The following PTPRO variants were observed in gnomAD, a reference collection of about 807,000 sequenced individuals.
PTPRO encodes receptor-type tyrosine-protein phosphatase O.
In PTPRO, 62 loss-of-function variants were observed where a neutral mutation model predicts 145.2. The observed-to-expected ratio is 0.43, with a 90% CI of 0.35 to 0.53. PTPRO has a LOEUF of 0.53. PTPRO is among the 20% of genes least tolerant of loss of function. PTPRO has a pLI of 0.01. For synonymous variants in PTPRO, 565 were observed against 514.7 expected (o/e 1.10, Z -1.32); for missense variants, 1,345 against 1,482.7 (o/e 0.91, Z 1.53).
chr12:15,470,948 A>G (rs937738868), intron 1 of PTPRO, among the ~76,000 whole-genome samples: 1 of 152,076 alleles, frequency 6.6e-6, no homozygotes, highest in African/African-American at 2.4e-5. Context: ...CTTTTTAATG[A>G]TGTTCTTAAA....
At chr12:15,369,519 GA>G (rs1304120978) in intron 1 of PTPRO, among the ~76,000 whole-genome samples, 4 of 151,986 alleles carry the variant, frequency 2.6e-5, no homozygotes, top group African/African-American at 9.7e-5. Flanking sequence ...CAAAATAATT[GA>G]TGGGCCATTA....
intron 11 of PTPRO, 143 bp from the exon 12 acceptor site, chr12:15,525,999 A>G (rs1437155836): frequency 1.8e-6 from 2 of 1,099,730 alleles, no homozygotes; most frequent in Non-Finnish European, 2.7e-6. Context: ...TTCAGAAGAT[A>G]TAACGTATCT....
At position 15,569,443 on chromosome 12, in the gene PTPRO, C is replaced by A. The variant is rs1260281703; in HGVS notation, c.2774C>A (p.Ala925Asp). 1 of 1,613,504 alleles carries A rather than the reference C, an allele frequency of 6.2e-7. No homozygotes were observed. The highest frequency in any genetic ancestry group is 8.5e-7 in the Non-Finnish European group (1 of 1,179,660). ...TNPVQLDDFD[A>D]YIKDMAKDSD... is the part of the protein sequence containing the mutation. ...CCGGTTCAACTGGATGACTTTGATG[C>A]CTATATTAAGGATATGGCCAAAGAC... The change falls in exon 19 of 27, where the codon GCC (alanine) becomes GAC (aspartate). Residue 925 changes from alanine to aspartate, a missense_variant. Transcript: ENST00000281171.
chr12:15,499,361 G>A, intron 3 of PTPRO, 81 bp from the exon 4 acceptor site: 1 of 1,340,060 alleles, frequency 7.5e-7, no homozygotes. Flanking sequence ...TGAATGTTTA[G>A]CCATAATTGT....
chr12:15,527,492 A>G (rs758506240), intron 12 of PTPRO, among the ~76,000 whole-genome samples: 2 of 152,232 alleles, frequency 1.3e-5, no homozygotes, highest in Non-Finnish European at 2.9e-5. Context: ...TACCATTCCC[A>G]GTCCCAGCAA....
intron 17 of PTPRO, 62 bp from the exon 18 acceptor site, chr12:15,565,531 A>T (rs1943875319): frequency 8.9e-7 from 1 of 1,122,320 alleles, no homozygotes; most frequent in African/African-American, 1.5e-5. Context: ...GTTCAAGTTT[A>T]ATTATTATGT....
chr12:15,382,921 A>C (rs78284272), intron 1 of PTPRO, among the ~76,000 whole-genome samples: 6 of 152,352 alleles, frequency 3.9e-5, no homozygotes, highest in Non-Finnish European at 7.3e-5. Context: ...AAATCAGGCT[A>C]TTTAATGCAT....
At position 15,484,076 on chromosome 12, in the gene PTPRO, A is replaced by T. The variant is rs770985401; in HGVS notation, c.178A>T (p.Ile60Leu). The T allele has an allele frequency of 5.0e-6, 8 of 1,613,768 alleles. No individual in the cohort carries two copies. Among genetic ancestry groups the T allele is most frequent in the South Asian group, 1.1e-5 (1 of 91,078 alleles). ...TCCAGCATCTGTGTATGTTGTGAAG[A>T]TAACTGGTGAATCCAAAAATTATTT... Reference protein sequence around the residue: ...ISPASVYVVKITGESKNYFFE... With the variant: ...ISPASVYVVKLTGESKNYFFE... Residue 60 changes from isoleucine (I) to leucine (L), a missense_variant, in exon 2 of 27, where the codon ATA (isoleucine) becomes TTA (leucine). This residue lies in a region of PTPRO where 1,130 missense variants were observed against 1,214.7 expected (regional missense o/e 0.93). Coordinates refer to ENST00000281171, the MANE Select transcript of PTPRO (RefSeq NM_030667.3).
At chr12:15,489,269 C>T (rs999671799) in intron 2 of PTPRO, among the ~76,000 whole-genome samples, 3 of 152,090 alleles carry the variant, frequency 2.0e-5, no homozygotes, top group Admixed American at 6.5e-5. Context: ...GCTTGGATCT[C>T]ACGCAAGAAA....
At chr12:15,376,494 G>A (rs1938691088) in intron 1 of PTPRO, among the ~76,000 whole-genome samples, 1 of 152,170 alleles carries the variant, frequency 6.6e-6, no homozygotes, top group African/African-American at 2.4e-5. Context: ...CTAGACAGTA[G>A]CTCAGATTCA....
intron 6 of PTPRO, 69 bp from the exon 7 acceptor site, chr12:15,508,502 A>T (rs961129353): frequency 5.4e-6 from 8 of 1,475,514 alleles, no homozygotes; most frequent in Non-Finnish European, 7.5e-6. Flanking sequence ...ATGATTTTTT[A>T]AACCAGAATC....
intron 1 of PTPRO, among the ~76,000 whole-genome samples, chr12:15,405,187 T>G (rs1939613470): frequency 6.6e-6 from 1 of 152,212 alleles, no homozygotes; most frequent in South Asian, 2.1e-4. Context: ...AAATCTATAT[T>G]TCTATGCATA....
intron 1 of PTPRO, among the ~76,000 whole-genome samples, chr12:15,438,272 A>T (rs550457545): frequency 2.6e-5 from 4 of 152,304 alleles, no homozygotes; most frequent in African/African-American, 9.6e-5. Context: ...GTGAGAAGCA[A>T]CCAGCACAAG....
chr12:15,497,540 A>G, intron 3 of PTPRO, 137 bp downstream of exon 3: 1 of 976,776 alleles, frequency 1.0e-6, no homozygotes, highest in Non-Finnish European at 1.5e-6. Flanking sequence ...AAAAATAATT[A>G]TTGATTTATG....
intron 1 of PTPRO, among the ~76,000 whole-genome samples, chr12:15,422,544 C>T (rs983694817): frequency 2.0e-5 from 3 of 152,086 alleles, no homozygotes; most frequent in Non-Finnish European, 2.9e-5. Context: ...GGATAAAGTT[C>T]GGACAAAATA....
intron 11 of PTPRO, among the ~76,000 whole-genome samples, 180 bp from the exon 12 acceptor site, chr12:15,525,962 G>C (rs1744453508): frequency 1.3e-5 from 2 of 152,054 alleles, no homozygotes; most frequent in Admixed American, 1.3e-4. Context: ...ACCTCACATT[G>C]GGCCCAGCTG....
chr12:15,372,403 G>A (rs1160850475), intron 1 of PTPRO, among the ~76,000 whole-genome samples: 4 of 152,078 alleles, frequency 2.6e-5, no homozygotes, highest in Non-Finnish European at 4.4e-5. Context: ...GATCCCTAAA[G>A]TCCATTATGA....
chr12:15,401,614 T>C (rs1218075999), intron 1 of PTPRO, among the ~76,000 whole-genome samples: 1 of 152,086 alleles, frequency 6.6e-6, no homozygotes, highest in Non-Finnish European at 1.5e-5. Context: ...ACATATGGAG[T>C]AGACATCCTA....
intron 1 of PTPRO, among the ~76,000 whole-genome samples, chr12:15,325,224 T>C (rs1866412992): frequency 6.6e-6 from 1 of 152,214 alleles, no homozygotes. Flanking sequence ...AATTCAAGTA[T>C]GAGGCTTAAT....
Sources: gnomAD v4.1 joint callset for allele counts (sites outside exome capture counted in the v4.1 genomes callset) on GRCh38, gnomAD v4.1.1 for gene constraint, gnomAD v4.1.1 regional missense constraint, MANE v1.5 for transcripts, NCBI Gene and HGNC (gene_info 2026-07-23, HGNC 2026-07-21) for gene names.